The following GUCY2C variants were observed in gnomAD, a reference collection of about 807,000 sequenced individuals.
GUCY2C encodes the protein guanylyl cyclase C.
GUCY2C carries 118 observed loss-of-function variants against 131.1 expected under a neutral mutation model. That is an observed-to-expected ratio of 0.90 (90% CI 0.78 to 1.05). The LOEUF (loss-of-function observed/expected upper bound fraction) is 1.05. Ranked by LOEUF, GUCY2C falls within the 50% of genes least tolerant of loss-of-function variation. The pLI, the probability that GUCY2C is intolerant of heterozygous loss-of-function variation, is 0.00. For synonymous variants in GUCY2C, 452 were observed against 457.8 expected, an observed-to-expected ratio of 0.99 and a Z score of 0.16; for missense variants, 1,161 against 1,304.4, an observed-to-expected ratio of 0.89 and a Z score of 1.69.
At chr12:14,646,482 C>G (rs1387997181) in intron 15 of GUCY2C, among the ~76,000 whole-genome samples, 1 of 152,136 alleles carries the variant, frequency 6.6e-6, no homozygotes, top group Non-Finnish European at 1.5e-5. Flanking sequence ...ACCCATCCTA[C>G]CCTGTTCTCA....
Position 14,642,409 on chromosome 12 carries a change from C to T in GUCY2C, c.1930+1165G>A, listed in dbSNP as rs552656976. 5.5e-4 allele frequency among the ~76,000 whole-genome samples: 83 copies of T among 152,250 alleles called. 1 individual carries two copies. In the South Asian group the frequency reaches 0.017, roughly 31 times the overall value. ...CTCCTTATAAACTTTTTAAGACTTA[C>T]CTTCACCAGTTTCAATGAAACATGT... On this transcript the variant is annotated intron_variant, in intron 17 of 26. Coordinates refer to ENST00000261170, the MANE Select transcript of GUCY2C (RefSeq NM_004963.4).
intron 8 of GUCY2C, among the ~76,000 whole-genome samples, chr12:14,673,657 G>A (rs1457546693): frequency 2.0e-5 from 3 of 152,170 alleles, no homozygotes; most frequent in Non-Finnish European, 4.4e-5. Flanking sequence ...ATTAAGGGTC[G>A]TACGGCTGGT....
At chr12:14,621,627 A>C (rs999465514) in intron 22 of GUCY2C, among the ~76,000 whole-genome samples, 2 of 152,178 alleles carry the variant, frequency 1.3e-5, no homozygotes, top group Admixed American at 6.5e-5. Context: ...ATGTAATTGT[A>C]TACATTCTTG....
intron 25 of GUCY2C, among the ~76,000 whole-genome samples, chr12:14,615,861 A>G (rs1946751838): frequency 6.6e-6 from 1 of 152,176 alleles, no homozygotes; most frequent in Non-Finnish European, 1.5e-5. Context: ...GGCCAGAAGC[A>G]TTATGGCTAC....
At position 14,621,219 on chromosome 12, in the gene GUCY2C, G is replaced by A. The variant is rs756299908; in HGVS notation, c.2602-3C>T. On this transcript the variant is annotated splice_polypyrimidine_tract_variant and splice_region_variant and intron_variant, in intron 22 of 26. Coordinates refer to ENST00000261170, the MANE Select transcript of GUCY2C (RefSeq NM_004963.4). ...TACGCATCACCGATGGTTTCCACCT[G>A]TGGAAACAGTTTCTCATGAGTGCCT... The A allele has an allele frequency of 6.2e-7, 1 of 1,607,784 alleles. No individual in the cohort carries two copies. The highest frequency in any genetic ancestry group is 1.7e-5 in the Admixed American group (1 of 59,816).
At chr12:14,654,957 A>T (rs1947734569) in intron 12 of GUCY2C, among the ~76,000 whole-genome samples, 2 of 152,202 alleles carry the variant, frequency 1.3e-5, no homozygotes, top group Admixed American at 6.5e-5. Context: ...CTAATTTAGG[A>T]GTCTATTTTT....
intron 22 of GUCY2C, 22 bp downstream of exon 22, chr12:14,621,983 G>A: frequency 6.5e-7 from 1 of 1,537,580 alleles, no homozygotes; most frequent in Non-Finnish European, 8.8e-7. Context: ...AATGGTTTCA[G>A]CCTGTTAGGT....
At chr12:14,654,692 A>G (rs972548816) in intron 12 of GUCY2C, among the ~76,000 whole-genome samples, 1 of 152,202 alleles carries the variant, frequency 6.6e-6, no homozygotes, top group Non-Finnish European at 1.5e-5. Flanking sequence ...AAGAGAAAAT[A>G]TGAAATATGG....
intron 19 of GUCY2C, among the ~76,000 whole-genome samples, chr12:14,633,417 C>G (rs928973508): frequency 6.6e-6 from 1 of 152,108 alleles, no homozygotes. Flanking sequence ...GAAAAAAGTC[C>G]TCCCCTATGA....
chr12:14,684,968 ATCCC>A (rs1948443521), intron 3 of GUCY2C, among the ~76,000 whole-genome samples: 1 of 151,934 alleles, frequency 6.6e-6, no homozygotes, highest in South Asian at 2.1e-4. Flanking sequence ...GGTGCCACTG[ATCCC>A]TGCCCTCTGC....
At chr12:14,640,798 C>G (rs1365391176) in intron 18 of GUCY2C, among the ~76,000 whole-genome samples, 1 of 152,182 alleles carries the variant, frequency 6.6e-6, no homozygotes, top group Non-Finnish European at 1.5e-5. Flanking sequence ...CAGGTACATT[C>G]TCTTATTGGA....
intron 10 of GUCY2C, among the ~76,000 whole-genome samples, chr12:14,663,431 G>A (rs1430848505): frequency 6.6e-5 from 10 of 152,162 alleles, no homozygotes; most frequent in African/African-American, 9.7e-5. Flanking sequence ...ACAGGCGCAC[G>A]CCACCATGTC....
rs191380206 is a variant in GUCY2C at position 14,623,233 on chromosome 12, T to G, written c.2409-1036A>C. Among the ~76,000 whole-genome samples the G allele has an allele frequency of 8.8e-4, 134 of 152,300 alleles. 1 individual carries two copies. The highest frequency in any genetic ancestry group is 3.1e-3 in the African/African-American group (130 of 41,566). ...CAGTCTTTTTTTGCATTACACTCCC[T>G]GCACAACCCAGGCCTTGGATATTCA... On this transcript the variant is annotated intron_variant, in intron 21 of 26. Transcript: ENST00000261170.
chr12:14,643,614 G>A lies in GUCY2C; in HGVS notation c.1890C>T (p.Ile630=). 6.2e-7 allele frequency: 1 copy of A among 1,613,654 alleles called. No homozygotes were observed. Among genetic ancestry groups the A allele is most frequent in the South Asian group, 1.1e-5 (1 of 91,068 alleles). The stretch of plus-strand genomic sequence containing the variant: ...AAATGGAATTGCAGCCAAAATCAGT[G>A]ATCTTCACCACCATTCTACTGTCCA... ...CVVDSRMVVK[I]TDFGCNSILP... Residue 630 remains isoleucine (I), a synonymous_variant, in exon 17 of 27, where the codon ATC becomes ATT. Coordinates refer to ENST00000261170, the MANE Select transcript of GUCY2C (RefSeq NM_004963.4).
chr12:14,691,962 A>G (rs562740143), intron 1 of GUCY2C, among the ~76,000 whole-genome samples: 1 of 152,318 alleles, frequency 6.6e-6, no homozygotes, highest in East Asian at 1.9e-4. Context: ...TAAACATGAG[A>G]AAATGGAGGT....
At chr12:14,681,848 G>C (rs1323834651) in intron 4 of GUCY2C, among the ~76,000 whole-genome samples, 1 of 152,154 alleles carries the variant, frequency 6.6e-6, no homozygotes, top group African/African-American at 2.4e-5. Context: ...CTGCTTGCAG[G>C]AAGAGGGTTC....
In GUCY2C at chr12:14,682,903, T is replaced by C. The variant is rs1199064240; in HGVS notation, c.611+139A>G. On this transcript the variant is annotated intron_variant, in intron 4 of 26. Coordinates refer to ENST00000261170, the MANE Select transcript of GUCY2C (RefSeq NM_004963.4). ...ACTTGGTCCCCTTTGCTTTTATTTATGTGTGAGAAAATGAACTGATGTCTA... is the reference window on the plus strand; with the variant it reads ...ACTTGGTCCCCTTTGCTTTTATTTACGTGTGAGAAAATGAACTGATGTCTA... The C allele has an allele frequency of 6.5e-6, 4 of 615,966 alleles. No individual in the cohort carries two copies. The East Asian group carries it at 1.1e-4, about 17-fold the overall frequency. 38.2% of individuals were successfully genotyped at this position (615,966 alleles called of 1,614,324 possible).
chr12:14,616,830 C>A, intron 24 of GUCY2C, 103 bp from the exon 25 acceptor site: 2 of 727,088 alleles, frequency 2.8e-6, no homozygotes, highest in African/African-American at 1.7e-5. Flanking sequence ...AATCCTAAAT[C>A]AAGAAGAAAC....
intron 7 of GUCY2C, among the ~76,000 whole-genome samples, chr12:14,675,823 A>T (rs1175532651): frequency 6.6e-6 from 1 of 152,218 alleles, no homozygotes; most frequent in African/African-American, 2.4e-5. Context: ...ATGGTCAAGT[A>T]ATATCCAGAT....
Sources: gnomAD v4.1 joint callset for allele counts (sites outside exome capture counted in the v4.1 genomes callset) on GRCh38, gnomAD v4.1.1 for gene constraint, MANE v1.5 for transcripts, NCBI Gene and HGNC (gene_info 2026-07-23, HGNC 2026-07-21) for gene names.